Variants in MB21D2 observed in about 807,000 individuals in gnomAD.
MB21D2 encodes the protein Mab-21 domain containing 2.
In MB21D2, 9 loss-of-function variants were observed where a neutral mutation model predicts 33.3. That is an observed-to-expected ratio of 0.27 (90% CI 0.16 to 0.47). The LOEUF is 0.47. MB21D2 is among the 20% of genes least tolerant of loss of function. The probability of loss-of-function intolerance (pLI) is 0.99; values close to 1 mark genes in which losing one functional copy is unlikely to be tolerated. For missense variants in MB21D2, 540 were observed against 624.6 expected (o/e 0.86, Z 1.44); for synonymous variants, 241 against 236.3 (o/e 1.02, Z -0.18).
intron 1 of MB21D2, among the ~76,000 whole-genome samples, chr3:192,826,846 GCACT>G (rs1388459290): frequency 6.6e-6 from 1 of 152,022 alleles, no homozygotes; most frequent in Non-Finnish European, 1.5e-5. Flanking sequence ...CTGAAGTTTG[GCACT>G]CACTCAGCAT....
intron 1 of MB21D2, among the ~76,000 whole-genome samples, chr3:192,911,619 T>C (rs1332749893): frequency 6.6e-6 from 1 of 152,090 alleles, no homozygotes; most frequent in East Asian, 1.9e-4. Context: ...CTAATATTTC[T>C]GTGAATTAAA....
At chr3:192,804,737 C>A (rs1711627913) in intron 1 of MB21D2, among the ~76,000 whole-genome samples, 1 of 152,082 alleles carries the variant, frequency 6.6e-6, no homozygotes, top group South Asian at 2.1e-4. Flanking sequence ...GTCCTTCTTT[C>A]ATTCTGATGC....
chr3:192,914,270 G>A (rs528431026), intron 1 of MB21D2, among the ~76,000 whole-genome samples: 1 of 152,274 alleles, frequency 6.6e-6, no homozygotes, highest in Non-Finnish European at 1.5e-5. Flanking sequence ...CTCCTCAAAA[G>A]TCTATGTGAA....
At chr3:192,884,796 G>T (rs1035834101) in intron 1 of MB21D2, among the ~76,000 whole-genome samples, 4 of 151,930 alleles carry the variant, frequency 2.6e-5, no homozygotes, top group African/African-American at 9.7e-5. Context: ...CCTTCCTCAT[G>T]ACACCCACCA....
At chr3:192,817,726 C>A (rs1268163956) in intron 1 of MB21D2, among the ~76,000 whole-genome samples, 1 of 152,032 alleles carries the variant, frequency 6.6e-6, no homozygotes, top group Non-Finnish European at 1.5e-5. Flanking sequence ...CTCACAGGGA[C>A]AACTGCAATA....
At chr3:192,857,286 G>GT (rs1712937955) in intron 1 of MB21D2, among the ~76,000 whole-genome samples, 1 of 152,226 alleles carries the variant, frequency 6.6e-6, no homozygotes, top group Non-Finnish European at 1.5e-5. Context: ...ATGGCATAAT[G>GT]TAAGAACAAA....
At chr3:192,883,601 C>T (rs965185413) in intron 1 of MB21D2, among the ~76,000 whole-genome samples, 9 of 151,900 alleles carry the variant, frequency 5.9e-5, no homozygotes, top group Admixed American at 3.9e-4. Context: ...GAAAAGGAAA[C>T]GATCCATTAG....
At chr3:192,853,587 A>C (rs1433771200) in intron 1 of MB21D2, among the ~76,000 whole-genome samples, 1 of 152,168 alleles carries the variant, frequency 6.6e-6, no homozygotes, top group Non-Finnish European at 1.5e-5. Flanking sequence ...AAATAGCTGA[A>C]AATATTTATT....
At chr3:192,837,705 C>T (rs551129746) in intron 1 of MB21D2, among the ~76,000 whole-genome samples, 2 of 152,158 alleles carry the variant, frequency 1.3e-5, no homozygotes, top group Non-Finnish European at 2.9e-5. Flanking sequence ...TTCCAAAACG[C>T]CATCCTAGGA....
At chr3:192,870,151 T>C (rs1011493132) in intron 1 of MB21D2, among the ~76,000 whole-genome samples, 2 of 140,064 alleles carry the variant, frequency 1.4e-5, no homozygotes, top group Non-Finnish European at 3.0e-5. Context: ...CAATCAGGAC[T>C]GCCCCTCTGT....
chr3:192,812,256 C>T (rs1369868375), intron 1 of MB21D2, among the ~76,000 whole-genome samples: 1 of 152,118 alleles, frequency 6.6e-6, no homozygotes, highest in Non-Finnish European at 1.5e-5. Context: ...CCATGTTGGT[C>T]AGGCTGGTCT....
At chr3:192,803,461 G>C (rs566759801) in intron 1 of MB21D2, among the ~76,000 whole-genome samples, 1 of 152,260 alleles carries the variant, frequency 6.6e-6, no homozygotes, top group Admixed American at 6.5e-5. Flanking sequence ...AGGCCACACT[G>C]TTCCAGAAGC....
At chr3:192,880,917 C>G (rs1713545071) in intron 1 of MB21D2, among the ~76,000 whole-genome samples, 1 of 151,938 alleles carries the variant, frequency 6.6e-6, no homozygotes, top group South Asian at 2.1e-4. Context: ...ATAGAAAAAT[C>G]AATTGCAAGA....
At chr3:192,875,705 G>C (rs927303927) in intron 1 of MB21D2, among the ~76,000 whole-genome samples, 2 of 152,118 alleles carry the variant, frequency 1.3e-5, no homozygotes, top group African/African-American at 4.8e-5. Context: ...CTTTCCCTCT[G>C]TACATAGCTA....
intron 1 of MB21D2, among the ~76,000 whole-genome samples, chr3:192,809,742 C>A (rs186161830): frequency 6.6e-6 from 1 of 152,104 alleles, no homozygotes; most frequent in African/African-American, 2.4e-5. Context: ...AGGAAAGAGA[C>A]GATTATAGAT....
At chr3:192,870,931 T>C (rs1041789397) in intron 1 of MB21D2, among the ~76,000 whole-genome samples, 2 of 152,170 alleles carry the variant, frequency 1.3e-5, no homozygotes, top group Non-Finnish European at 2.9e-5. Context: ...GTGAGGACAG[T>C]TGGTTATTAC....
At chr3:192,805,694 C>A (rs1038137298) in intron 1 of MB21D2, among the ~76,000 whole-genome samples, 4 of 152,182 alleles carry the variant, frequency 2.6e-5, no homozygotes, top group Admixed American at 1.3e-4. Flanking sequence ...TAACAAATTA[C>A]TTAACCTCTC....
intron 1 of MB21D2, among the ~76,000 whole-genome samples, chr3:192,814,779 G>A (rs910514250): frequency 2.6e-5 from 4 of 151,872 alleles, no homozygotes; most frequent in Non-Finnish European, 5.9e-5. Context: ...GCAGGAGAAT[G>A]GCGTGAACCC....
intron 1 of MB21D2, among the ~76,000 whole-genome samples, chr3:192,847,667 G>A (rs1430761063): frequency 6.6e-6 from 1 of 152,176 alleles, no homozygotes; most frequent in Admixed American, 6.5e-5. Flanking sequence ...CACAGCAGCA[G>A]ATCAGTTGTC....
Sources: allele counts gnomAD v4.1 joint callset (sites outside exome capture counted in the v4.1 genomes callset), GRCh38; gene constraint gnomAD v4.1.1; transcripts MANE v1.5; gene names NCBI Gene and HGNC (gene_info 2026-07-23, HGNC 2026-07-21).